The following SLC24A2 variants were observed in gnomAD, a reference collection of about 807,000 sequenced individuals.
SLC24A2 encodes the protein solute carrier family 24 member 2.
A neutral mutation model predicts 62.0 loss-of-function variants in SLC24A2; 36 were observed. The ratio of observed to expected loss-of-function variants is 0.58; its 90% CI spans 0.44 to 0.77. The LOEUF is 0.77. Among genes scored for constraint, SLC24A2 ranks in the 30% least tolerant of loss-of-function variants. SLC24A2 has a pLI of 0.00. For missense variants in SLC24A2, 846 were observed against 817.9 expected (o/e 1.03, Z -0.42); for synonymous variants, 358 against 294.0 (o/e 1.22, Z -2.23).
At chr9:19,768,759 G>T (rs111760994) in intron 2 of SLC24A2, among the ~76,000 whole-genome samples, 1 of 152,266 alleles carries the variant, frequency 6.6e-6, no homozygotes, top group South Asian at 2.1e-4. Context: ...GTGGTTGACC[G>T]TGGGTAATTG....
At chr9:19,901,195 C>T in the SLC24A2 span, among the ~76,000 whole-genome samples, 5 of 152,156 alleles carry the variant, frequency 3.3e-5, no homozygotes, top group African/African-American at 1.2e-4. Flanking sequence ...GGCAAATACT[C>T]ATGATTCACT....
chr9:20,189,082 T>TC, the SLC24A2 span, among the ~76,000 whole-genome samples: 1 of 105,758 alleles, frequency 9.5e-6, no homozygotes, highest in East Asian at 6.4e-4. Flanking sequence ...TTTTCTTTTT[T>TC]TTTTTTTTTT....
In SLC24A2 at chr9:19,619,588, G is replaced by C; in HGVS notation, c.1074C>G (p.Ala358=). Residue 358 remains alanine, a synonymous_variant, in exon 4 of 11, where the codon GCC becomes GCG. Coordinates refer to ENST00000341998, the MANE Select transcript of SLC24A2 (RefSeq NM_020344.4). ...QLMIHTLDPL[A]EELGSYGKLK... is the part of the protein sequence containing the mutation. ...AAACCAAAGCTTGATGTTTACCTTC[G>C]GCGAGTGGGTCAAGGGTGTGTATCA... 6.2e-7 allele frequency: 1 copy of C among 1,611,568 alleles called. No individual in the cohort carries two copies. Among genetic ancestry groups the C allele is most frequent in the Middle Eastern group, 1.7e-4 (1 of 6,058 alleles).
intron 2 of SLC24A2, among the ~76,000 whole-genome samples, chr9:19,638,936 G>C (rs1818424481): frequency 7.0e-6 from 1 of 142,150 alleles, no homozygotes; most frequent in Non-Finnish European, 1.5e-5. Flanking sequence ...TTCTACCTTT[G>C]AACAAATCCT....
chr9:19,775,375 G>A (rs915202450), intron 2 of SLC24A2, among the ~76,000 whole-genome samples: 11 of 152,196 alleles, frequency 7.2e-5, no homozygotes, highest in Non-Finnish European at 1.6e-4. Context: ...GGCTCAGCAA[G>A]CATATCATGC....
the SLC24A2 span, among the ~76,000 whole-genome samples, chr9:19,948,979 CATTT>C: frequency 6.6e-6 from 1 of 151,278 alleles, no homozygotes; most frequent in African/African-American, 2.4e-5. Context: ...CCCCACCTTC[CATTT>C]ATTTATTTAT....
chr9:20,146,556 C>T, the SLC24A2 span, among the ~76,000 whole-genome samples: 37,107 of 151,950 alleles, frequency 0.24, 6,194 homozygotes, highest in African/African-American at 0.46. Flanking sequence ...GGGGAACATG[C>T]AGGCAGTAAA....
At chr9:20,133,675 T>C in the SLC24A2 span, among the ~76,000 whole-genome samples, 1 of 152,184 alleles carries the variant, frequency 6.6e-6, no homozygotes, top group African/African-American at 2.4e-5. Context: ...TCTCTATTTA[T>C]TGGTATACAT....
At chr9:19,817,994 C>G in the SLC24A2 span, among the ~76,000 whole-genome samples, 1 of 152,110 alleles carries the variant, frequency 6.6e-6, no homozygotes, top group Admixed American at 6.6e-5. Context: ...GTAATCCTCC[C>G]ACTTTAGCCT....
At chr9:20,002,221 C>G in the SLC24A2 span, among the ~76,000 whole-genome samples, 1 of 152,108 alleles carries the variant, frequency 6.6e-6, no homozygotes, top group African/African-American at 2.4e-5. Flanking sequence ...CATTTCACCC[C>G]AACTCTGTGT....
At chr9:19,892,657 T>C in the SLC24A2 span, among the ~76,000 whole-genome samples, 1 of 152,222 alleles carries the variant, frequency 6.6e-6, no homozygotes, top group Non-Finnish European at 1.5e-5. Context: ...AGTTCGTTTC[T>C]AATGTTCATT....
At chr9:19,991,912 A>T in the SLC24A2 span, among the ~76,000 whole-genome samples, 1 of 152,154 alleles carries the variant, frequency 6.6e-6, no homozygotes, top group Non-Finnish European at 1.5e-5. Flanking sequence ...GACCCTAGAG[A>T]CATTTCCCAG....
chr9:20,141,727 C>A, the SLC24A2 span, among the ~76,000 whole-genome samples: 2 of 152,000 alleles, frequency 1.3e-5, no homozygotes. Flanking sequence ...TATGCTCACT[C>A]AAGCCCTTCC....
the SLC24A2 span, among the ~76,000 whole-genome samples, chr9:20,201,223 A>G: frequency 6.6e-6 from 1 of 152,198 alleles, no homozygotes; most frequent in Non-Finnish European, 1.5e-5. Context: ...GTTTTGCCCC[A>G]AACTTCATCC....
the SLC24A2 span, among the ~76,000 whole-genome samples, chr9:20,054,027 T>C: frequency 6.6e-6 from 1 of 152,238 alleles, no homozygotes; most frequent in Non-Finnish European, 1.5e-5. Context: ...TCTGAGCCTG[T>C]TGCTGCTCTT....
At chr9:19,557,690 C>T (rs1365901697) in intron 7 of SLC24A2, among the ~76,000 whole-genome samples, 1 of 152,076 alleles carries the variant, frequency 6.6e-6, no homozygotes, top group African/African-American at 2.4e-5. Flanking sequence ...GTATGTTATT[C>T]ATCCATCGTG....
chr9:20,018,243 G>C, the SLC24A2 span, among the ~76,000 whole-genome samples: 1 of 152,100 alleles, frequency 6.6e-6, no homozygotes, highest in Non-Finnish European at 1.5e-5. Context: ...CACTGCGCCC[G>C]GCCTACTTTG....
chr9:19,536,976 GT>G (rs1334581652), intron 8 of SLC24A2, among the ~76,000 whole-genome samples: 1 of 136,022 alleles, frequency 7.4e-6, no homozygotes. Flanking sequence ...TTTTTCATGT[GT>G]TTTTTGGCTG....
intron 6 of SLC24A2, among the ~76,000 whole-genome samples, chr9:19,576,010 A>G (rs952469247): frequency 1.3e-5 from 2 of 152,218 alleles, no homozygotes; most frequent in African/African-American, 2.4e-5. Context: ...GGAAGTAACT[A>G]TTGTTAACAT....
Sources: gnomAD v4.1 joint callset for allele counts (sites outside exome capture counted in the v4.1 genomes callset) on GRCh38, gnomAD v4.1.1 for gene constraint, MANE v1.5 for transcripts, NCBI Gene and HGNC (gene_info 2026-07-23, HGNC 2026-07-21) for gene names.